CNTN6: variants seen among roughly 807,000 people sequenced by gnomAD.
CNTN6 encodes the protein contactin-6.
CNTN6 carries 137 observed loss-of-function variants against 122.8 expected under a neutral mutation model. The observed-to-expected ratio is 1.12, with a 90% confidence interval of 0.97 to 1.29. The LOEUF (loss-of-function observed/expected upper bound fraction) is 1.29. Ranked by LOEUF, CNTN6 falls within the 50% of genes most tolerant of loss-of-function variation. The pLI, the probability that CNTN6 is intolerant of heterozygous loss-of-function variation, is 0.00. For synonymous variants in CNTN6, 570 were observed against 426.0 expected (o/e 1.34, Z -4.16); for missense variants, 1,634 against 1,223.4 (o/e 1.34, Z -5.01).
intron 15 of CNTN6, 43 bp from the exon 16 acceptor site, chr3:1,373,881 G>T (rs1379207379): frequency 1.9e-5 from 30 of 1,542,562 alleles, no homozygotes; most frequent in Non-Finnish European, 2.5e-5. Context: ...ATTTGTTTTT[G>T]AGTAGTCCCA....
intron 20 of CNTN6, among the ~76,000 whole-genome samples, chr3:1,394,962 A>G (rs1214609069): frequency 6.6e-6 from 1 of 152,224 alleles, no homozygotes; most frequent in African/African-American, 2.4e-5. Context: ...CAGAAATTCT[A>G]AACTGAAGAT....
chr3:1,211,913 G>A (rs1364591850), intron 2 of CNTN6, among the ~76,000 whole-genome samples: 22 of 152,134 alleles, frequency 1.4e-4, no homozygotes, highest in Non-Finnish European at 1.5e-5. Flanking sequence ...GATTGAACAT[G>A]CCTTTAAGGA....
intron 20 of CNTN6, among the ~76,000 whole-genome samples, chr3:1,387,644 G>T (rs764604813): frequency 2.6e-5 from 4 of 152,172 alleles, no homozygotes; most frequent in Non-Finnish European, 1.5e-5. Context: ...ATTTCCATCT[G>T]AGGTACCCGG....
At chr3:1,306,752 T>C (rs1287408142) in intron 7 of CNTN6, among the ~76,000 whole-genome samples, 1 of 152,296 alleles carries the variant, frequency 6.6e-6, no homozygotes, top group Non-Finnish European at 1.5e-5. Flanking sequence ...TAGTAACTAC[T>C]TTATTAATCC....
chr3:1,114,430 G>T (rs992562242), intron 1 of CNTN6, among the ~76,000 whole-genome samples: 1 of 152,144 alleles, frequency 6.6e-6, no homozygotes, highest in Non-Finnish European at 1.5e-5. Context: ...ACATAGAATA[G>T]CATCCTCTTG....
At chr3:1,230,287 G>A (rs574308954) in intron 4 of CNTN6, among the ~76,000 whole-genome samples, 4 of 152,070 alleles carry the variant, frequency 2.6e-5, no homozygotes, top group Non-Finnish European at 5.9e-5. Context: ...TCTTAACAAC[G>A]TTAAGCTTCT....
intron 11 of CNTN6, among the ~76,000 whole-genome samples, chr3:1,334,723 A>G: frequency 6.6e-6 from 1 of 152,112 alleles, no homozygotes; most frequent in East Asian, 1.9e-4. Context: ...GAAGGCACCG[A>G]GCACCATTCT....
intron 11 of CNTN6, among the ~76,000 whole-genome samples, chr3:1,338,103 C>G (rs561283027): frequency 6.6e-6 from 1 of 152,258 alleles, no homozygotes; most frequent in East Asian, 1.9e-4. Flanking sequence ...GCTGTAGTCC[C>G]TCTCCCATGT....
chr3:1,385,145 T>TC (rs1227377939), intron 19 of CNTN6, among the ~76,000 whole-genome samples: 1 of 152,134 alleles, frequency 6.6e-6, no homozygotes, highest in Non-Finnish European at 1.5e-5. Context: ...TCTTTTTTTT[T>TC]CAATGTACCT....
At chr3:1,389,808 AAAG>A (rs1693822608) in intron 20 of CNTN6, among the ~76,000 whole-genome samples, 1 of 151,474 alleles carries the variant, frequency 6.6e-6, no homozygotes, top group African/African-American at 2.4e-5. Flanking sequence ...CAAAAGAGAC[AAAG>A]AAGGCCATTA....
At chr3:1,156,231 C>A (rs187909109) in intron 2 of CNTN6, among the ~76,000 whole-genome samples, 6 of 152,310 alleles carry the variant, frequency 3.9e-5, no homozygotes, top group Admixed American at 2.6e-4. Context: ...CAAATCCAAT[C>A]TTTAACACAC....
intron 20 of CNTN6, among the ~76,000 whole-genome samples, chr3:1,392,253 A>G (rs1201277043): frequency 2.0e-5 from 3 of 152,240 alleles, no homozygotes; most frequent in South Asian, 2.1e-4. Flanking sequence ...ATAACGCCGC[A>G]TATCTACAGC....
Position 1,372,351 on chromosome 3 carries a change from G to A in CNTN6, c.1545G>A (p.Glu515=), listed in dbSNP as rs1709150222. The A allele has an allele frequency of 6.2e-7, 1 of 1,612,736 alleles. No individual in the cohort carries two copies. The highest frequency in any genetic ancestry group is 8.5e-7 in the Non-Finnish European group (1 of 1,179,294). The change falls in exon 13 of 23, where the codon GAG becomes GAA. Residue 515 remains glutamate (E), a synonymous_variant. Transcript: ENST00000446702. Reference sequence around the variant, plus strand: ...CCAAAATGGATGTTACAGTTGGCGAGAGTATAGTGCTACCATGCCAGGTGT... The same window carrying A: ...CCAAAATGGATGTTACAGTTGGCGAAAGTATAGTGCTACCATGCCAGGTGT... ...PPSKMDVTVG[E]SIVLPCQVSH... is the part of the protein sequence containing the mutation.
At chr3:1,333,005 G>C (rs555623252) in intron 11 of CNTN6, among the ~76,000 whole-genome samples, 1 of 152,088 alleles carries the variant, frequency 6.6e-6, no homozygotes, top group African/African-American at 2.4e-5. Flanking sequence ...CATCAAAATA[G>C]CAGTTAATTT....
intron 7 of CNTN6, among the ~76,000 whole-genome samples, chr3:1,313,341 G>A (rs155410): frequency 0.33 from 50,337 of 151,984 alleles, 14,561 homozygotes; most frequent in African/African-American, 0.79. Flanking sequence ...GAAATTGGTA[G>A]TAAAATTCTT....
chr3:1,141,948 A>T (rs1339096613), intron 1 of CNTN6, among the ~76,000 whole-genome samples: 3 of 152,126 alleles, frequency 2.0e-5, no homozygotes, highest in Admixed American at 2.0e-4. Context: ...GAAAAAATAA[A>T]GTTGGAAAAC....
chr3:1,204,745 G>A (rs962626370), intron 2 of CNTN6, among the ~76,000 whole-genome samples: 1 of 152,108 alleles, frequency 6.6e-6, no homozygotes, highest in African/African-American at 2.4e-5. Context: ...CCTTATTGCT[G>A]TTGCTCTTGT....
chr3:1,277,616 C>A (rs1034160335), intron 4 of CNTN6, among the ~76,000 whole-genome samples: 6 of 152,078 alleles, frequency 3.9e-5, no homozygotes, highest in African/African-American at 1.4e-4. Context: ...CTGACTCAGC[C>A]TCCCAAAGTG....
chr3:1,143,992 C>A (rs891500794), intron 1 of CNTN6, among the ~76,000 whole-genome samples: 3 of 152,146 alleles, frequency 2.0e-5, no homozygotes, highest in Non-Finnish European at 2.9e-5. Context: ...GAGAAAGAGA[C>A]AATAGTAGAA....
Sources: gnomAD v4.1 joint callset for allele counts (sites outside exome capture counted in the v4.1 genomes callset) on GRCh38, gnomAD v4.1.1 for gene constraint, MANE v1.5 for transcripts, NCBI Gene and HGNC (gene_info 2026-07-23, HGNC 2026-07-21) for gene names.